KIAA1217: variants seen among roughly 807,000 people sequenced by gnomAD.
KIAA1217 encodes the protein KIAA1217.
KIAA1217 carries 88 observed loss-of-function variants against 163.9 expected under a neutral mutation model. The observed-to-expected ratio is 0.54, with a 90% confidence interval of 0.45 to 0.64. The LOEUF (loss-of-function observed/expected upper bound fraction) is 0.64. Among genes scored for constraint, KIAA1217 ranks in the 30% least tolerant of loss-of-function variants. The pLI is 0.00. For synonymous variants in KIAA1217, 903 were observed against 923.1 expected, an observed-to-expected ratio of 0.98 and a Z score of 0.39; for missense variants, 2,372 against 2,475.0, an observed-to-expected ratio of 0.96 and a Z score of 0.88.
At chr10:23,886,818 G>A (rs1339796659) in intron 1 of KIAA1217, among the ~76,000 whole-genome samples, 2 of 151,278 alleles carry the variant, frequency 1.3e-5, no homozygotes, top group East Asian at 3.9e-4. Context: ...AAGGTAGTAG[G>A]AGCAACCAAT....
intron 14 of KIAA1217, among the ~76,000 whole-genome samples, chr10:24,531,047 G>A (rs1360348814): frequency 1.3e-5 from 2 of 151,194 alleles, no homozygotes; most frequent in African/African-American, 2.4e-5. Context: ...AAAAAGAAAA[G>A]AAAAGAAATT....
At chr10:24,492,677 G>A (rs983784575) in intron 6 of KIAA1217, among the ~76,000 whole-genome samples, 2 of 152,112 alleles carry the variant, frequency 1.3e-5, no homozygotes, top group African/African-American at 4.8e-5. Context: ...ACAAAATTAA[G>A]ATCAGTGTTA....
chr10:24,449,560 G>A (rs1302216802), intron 5 of KIAA1217: 4 of 985,228 alleles, frequency 4.1e-6, no homozygotes, highest in Non-Finnish European at 4.8e-6. Context: ...CTGAATGTCC[G>A]TGAAATAGTT....
intron 1 of KIAA1217, among the ~76,000 whole-genome samples, chr10:23,815,602 C>T (rs1465629558): frequency 6.6e-6 from 1 of 152,140 alleles, no homozygotes; most frequent in Non-Finnish European, 1.5e-5. Flanking sequence ...TGAGATCAGG[C>T]CACTGCACTC....
chr10:23,769,110 C>G (rs968868070), intron 1 of KIAA1217, among the ~76,000 whole-genome samples: 1 of 152,158 alleles, frequency 6.6e-6, no homozygotes, highest in African/African-American at 2.4e-5. Context: ...TATTGTTACT[C>G]AAATCAATCT....
intron 2 of KIAA1217, among the ~76,000 whole-genome samples, chr10:24,088,421 ATC>A (rs2131676447): frequency 8.9e-6 from 1 of 112,130 alleles, no homozygotes; most frequent in South Asian, 3.3e-4. Flanking sequence ...CATTAGGTAT[ATC>A]TCCTAATGCT....
chr10:24,384,106 G>A (rs995358369), intron 3 of KIAA1217, among the ~76,000 whole-genome samples: 4 of 152,258 alleles, frequency 2.6e-5, no homozygotes, highest in Admixed American at 6.5e-5. Flanking sequence ...CAGATATGCC[G>A]ACTGGATACT....
chr10:23,783,954 T>C (rs544244179), intron 1 of KIAA1217, among the ~76,000 whole-genome samples: 33 of 152,164 alleles, frequency 2.2e-4, no homozygotes, highest in African/African-American at 7.9e-4. Flanking sequence ...CTTTCTTTTT[T>C]CTTAGGCTAA....
chr10:24,467,447 T>C (rs1042987556), intron 5 of KIAA1217, among the ~76,000 whole-genome samples: 3 of 152,218 alleles, frequency 2.0e-5, no homozygotes, highest in African/African-American at 4.8e-5. Flanking sequence ...GGTAGAACAG[T>C]CTTGTTCATA....
chr10:23,876,434 G>C (rs1191320773), intron 1 of KIAA1217, among the ~76,000 whole-genome samples: 1 of 151,242 alleles, frequency 6.6e-6, no homozygotes, highest in African/African-American at 2.4e-5. Flanking sequence ...TCAGCATCAA[G>C]TAATATACCC....
intron 2 of KIAA1217, among the ~76,000 whole-genome samples, chr10:24,094,562 A>G (rs56017224): frequency 0.14 from 20,939 of 152,176 alleles, 3,410 homozygotes; most frequent in African/African-American, 0.4. Flanking sequence ...CGTGAACCGC[A>G]AATGCTGCTG....
chr10:23,935,605 G>A (rs1006326935), intron 1 of KIAA1217, among the ~76,000 whole-genome samples: 1 of 152,138 alleles, frequency 6.6e-6, no homozygotes, highest in Non-Finnish European at 1.5e-5. Context: ...GCATATAACA[G>A]CAAGGGAAGT....
intron 1 of KIAA1217, among the ~76,000 whole-genome samples, chr10:23,743,354 CCT>C (rs1471311519): frequency 3.3e-5 from 5 of 152,132 alleles, no homozygotes; most frequent in Admixed American, 3.3e-4. Context: ...TTGCAATTCA[CCT>C]CTAAGCCAGG....
Position 24,275,083 on chromosome 10 carries a change from AC to A in KIAA1217, c.354+55175del, listed in dbSNP as rs757806172. On this transcript the variant is annotated intron_variant, in intron 2 of 20. Coordinates refer to ENST00000376454, the MANE Select transcript of KIAA1217 (RefSeq NM_019590.5). ...CTCCCAAATATCTGGGACTACAGGCACACGCCACCATGCCCAGCTAATTTTT... is the reference window on the plus strand; with the variant it reads ...CTCCCAAATATCTGGGACTACAGGCAACGCCACCATGCCCAGCTAATTTTT... 1.2e-4 allele frequency among the ~76,000 whole-genome samples: 19 copies of A among 152,264 alleles called. 1 individual carries two copies. The highest frequency in any genetic ancestry group is 1.0e-3 in the Admixed American group (16 of 15,294).
intron 1 of KIAA1217, among the ~76,000 whole-genome samples, chr10:23,849,878 A>G (rs1839222153): frequency 6.6e-6 from 1 of 151,948 alleles, no homozygotes. Context: ...TCCTTCTAAG[A>G]GTTTTCTGCC....
In KIAA1217 at chr10:24,025,331, G is replaced by A. The variant is rs79031721; in HGVS notation, c.-171+17957G>A. ...TCAAAAATCAATTGACCACATATGTGTGGGTCTATATCTGGAATTTCTACT... is the reference window on the plus strand; with the variant it reads ...TCAAAAATCAATTGACCACATATGTATGGGTCTATATCTGGAATTTCTACT... On this transcript the variant is annotated intron_variant, in intron 2 of 18. Coordinates refer to the KIAA1217 transcript ENST00000376462. Among the ~76,000 whole-genome samples the A allele has an allele frequency of 8.6e-3, 1,299 of 151,790 alleles. 21 individuals are homozygous for A. The highest frequency in any genetic ancestry group is 0.03 in the African/African-American group (1,256 of 41,506).
At chr10:23,997,572 G>T (rs946066738) in intron 1 of KIAA1217, among the ~76,000 whole-genome samples, 88 of 152,250 alleles carry the variant, frequency 5.8e-4, no homozygotes, top group African/African-American at 2.0e-3. Context: ...AGGCTGGAAG[G>T]TTTCAGGATA....
chr10:23,855,975 A>G (rs187677640), intron 1 of KIAA1217, among the ~76,000 whole-genome samples: 20 of 152,152 alleles, frequency 1.3e-4, no homozygotes, highest in African/African-American at 4.1e-4. Flanking sequence ...TGTAGCTCGG[A>G]GTAGTTTGAT....
At chr10:24,391,333 C>CTTTTTTTTTTTTTTTTTTT (rs768727392) in intron 3 of KIAA1217, among the ~76,000 whole-genome samples, 12 of 29,886 alleles carry the variant, frequency 4.0e-4, no homozygotes, top group East Asian at 1.3e-3. Flanking sequence ...TTCTTTCTTT[C>CTTTTTTTTTTTTTTTTTTT]TTTTTTTTTT....
Sources: gnomAD v4.1 joint callset for allele counts (sites outside exome capture counted in the v4.1 genomes callset) on GRCh38, gnomAD v4.1.1 for gene constraint, MANE v1.5 for transcripts, NCBI Gene and HGNC (gene_info 2026-07-23, HGNC 2026-07-21) for gene names.